Variants in BMPR1B observed in about 807,000 individuals in gnomAD.
The protein encoded by BMPR1B is bone morphogenetic protein receptor type-1B.
BMPR1B carries 12 observed loss-of-function variants against 59.1 expected under a neutral mutation model. The ratio of observed to expected loss-of-function variants is 0.20; its 90% CI spans 0.13 to 0.33. BMPR1B has a LOEUF of 0.33. Among genes scored for constraint, BMPR1B ranks in the 10% least tolerant of loss-of-function variants. The pLI, the probability that BMPR1B is intolerant of heterozygous loss-of-function variation, is 1.00. For missense variants in BMPR1B, 550 were observed against 610.9 expected, an observed-to-expected ratio of 0.90 and a Z score of 1.05; for synonymous variants, 237 against 207.3, an observed-to-expected ratio of 1.14 and a Z score of -1.23.
At chr4:95,075,372 T>C (rs374311472) in intron 3 of BMPR1B, among the ~76,000 whole-genome samples, 11 of 152,318 alleles carry the variant, frequency 7.2e-5, no homozygotes, top group African/African-American at 2.4e-4. Flanking sequence ...GTGAATCTAT[T>C]GTTGGTCTGT....
At chr4:94,945,276 T>C (rs1311473603) in intron 2 of BMPR1B, among the ~76,000 whole-genome samples, 2 of 152,170 alleles carry the variant, frequency 1.3e-5, no homozygotes, top group African/African-American at 4.8e-5. Context: ...CCCTTTACCA[T>C]CCTTAAAGTA....
At chr4:94,910,828 C>T (rs551616025) in intron 2 of BMPR1B, among the ~76,000 whole-genome samples, 162 of 152,160 alleles carry the variant, frequency 1.1e-3, no homozygotes, top group African/African-American at 3.5e-3. Context: ...AGGAGGATTG[C>T]TTGAGCCCAG....
At chr4:95,108,222 A>G (rs1731332995) in intron 4 of BMPR1B, among the ~76,000 whole-genome samples, 1 of 152,094 alleles carries the variant, frequency 6.6e-6, no homozygotes, top group South Asian at 2.1e-4. Flanking sequence ...CCCTTCCCAG[A>G]TCAGTAGCAA....
intron 3 of BMPR1B, among the ~76,000 whole-genome samples, chr4:95,057,658 C>T (rs16996453): frequency 0.016 from 2,494 of 152,130 alleles, 209 homozygotes; most frequent in Admixed American, 0.13. Context: ...CACCTGCTCA[C>T]AGTGTCTATT....
intron 5 of BMPR1B, among the ~76,000 whole-genome samples, chr4:95,115,160 A>G (rs2149278211): frequency 6.6e-6 from 1 of 152,276 alleles, no homozygotes; most frequent in South Asian, 2.1e-4. Context: ...TGTGTGTAGT[A>G]GGCTATACCA....
chr4:94,886,939 G>A (rs1350021140), intron 2 of BMPR1B, among the ~76,000 whole-genome samples: 1 of 152,150 alleles, frequency 6.6e-6, no homozygotes, highest in East Asian at 1.9e-4. Flanking sequence ...ATGGGATGAA[G>A]ATTGTGGGAA....
At chr4:94,901,262 G>A (rs1006880882) in intron 2 of BMPR1B, among the ~76,000 whole-genome samples, 9 of 151,938 alleles carry the variant, frequency 5.9e-5, no homozygotes, top group Non-Finnish European at 8.8e-5. Flanking sequence ...CAGTAAAATC[G>A]AAAATATCAG....
At chr4:94,957,788 C>T (rs544678165) in intron 2 of BMPR1B, among the ~76,000 whole-genome samples, 9 of 152,002 alleles carry the variant, frequency 5.9e-5, no homozygotes, top group Non-Finnish European at 1.3e-4. Flanking sequence ...TAAGATGTAT[C>T]TTTTTCAAAT....
chr4:95,056,902 A>G (rs371942113), intron 3 of BMPR1B, among the ~76,000 whole-genome samples: 4 of 152,366 alleles, frequency 2.6e-5, no homozygotes, highest in South Asian at 2.1e-4. Flanking sequence ...CTGTTTATCC[A>G]TGCATTTGCA....
chr4:95,071,650 GTGTATATATATATATATATA>G (rs1388861826), intron 3 of BMPR1B, among the ~76,000 whole-genome samples: 1 of 78,452 alleles, frequency 1.3e-5, no homozygotes, highest in Non-Finnish European at 2.8e-5. Context: ...GTGTGTGTGT[GTGTATATATATATATATATA>G]TATATATATA....
At chr4:94,995,341 C>A (rs1025550922) in intron 2 of BMPR1B, among the ~76,000 whole-genome samples, 1 of 151,800 alleles carries the variant, frequency 6.6e-6, no homozygotes, top group Admixed American at 6.6e-5. Context: ...TAATGTTATA[C>A]TTTCCTATAC....
Position 95,155,189 on chromosome 4 carries a change from A to C in BMPR1B, c.*516A>C, listed in dbSNP as rs1192305403. The C allele has an allele frequency of 6.2e-6, 1 of 160,256 alleles. No homozygotes were observed. The highest frequency in any genetic ancestry group is 2.4e-5 in the African/African-American group (1 of 41,462). The allele number at this position is 160,256 out of a possible 1,614,324, so 9.9% of individuals were successfully genotyped here. On this transcript the variant is annotated 3_prime_UTR_variant, in exon 13 of 13. Coordinates refer to ENST00000515059, the MANE Select transcript of BMPR1B (RefSeq NM_001203.3). The stretch of plus-strand genomic sequence containing the variant: ...ACATAGAACGGAACTCATCTTAAAC[A>C]TACTCCCCACCCCGTCTTGGCCTCC...
At chr4:94,758,536 G>C (rs1346558939) in intron 1 of BMPR1B, among the ~76,000 whole-genome samples, 1 of 152,042 alleles carries the variant, frequency 6.6e-6, no homozygotes, top group Non-Finnish European at 1.5e-5. Context: ...CGGGGCGGGG[G>C]CCCAGGGCCA....
intron 8 of BMPR1B, among the ~76,000 whole-genome samples, chr4:95,125,348 A>G (rs1732833032): frequency 6.6e-6 from 1 of 152,184 alleles, no homozygotes; most frequent in Non-Finnish European, 1.5e-5. Context: ...AGACCCTCAG[A>G]CATTCTGATG....
chr4:95,109,506 G>A (rs1731456605), intron 4 of BMPR1B, among the ~76,000 whole-genome samples: 1 of 151,994 alleles, frequency 6.6e-6, no homozygotes, highest in Non-Finnish European at 1.5e-5. Flanking sequence ...ATTTAAGCGT[G>A]CATTGTTCCA....
rs141252261 is a variant in BMPR1B, at chr4:94,842,393, A to G, written c.-182-33438A>G. 5.3e-3 allele frequency among the ~76,000 whole-genome samples: 805 copies of G among 152,324 alleles called. 12 individuals carry two copies. Among genetic ancestry groups the G allele is most frequent in the Non-Finnish European group, 4.3e-3 (291 of 68,024 alleles). ...AGTAGAACACTGAAAACTATTTGTT[A>G]AATACCACATCCTAGATAGATTTTC... On this transcript the variant is annotated intron_variant, in intron 1 of 12. Coordinates refer to ENST00000515059, the MANE Select transcript of BMPR1B (RefSeq NM_001203.3).
intron 3 of BMPR1B, among the ~76,000 whole-genome samples, chr4:95,078,099 A>G (rs1435891873): frequency 3.3e-5 from 5 of 152,208 alleles, no homozygotes; most frequent in African/African-American, 9.6e-5. Context: ...ACCAGCAGGA[A>G]CCATGACTAT....
At chr4:94,820,011 T>C (rs1465312221) in intron 1 of BMPR1B, among the ~76,000 whole-genome samples, 1 of 152,194 alleles carries the variant, frequency 6.6e-6, no homozygotes, top group African/African-American at 2.4e-5. Context: ...CCAGCTTGTG[T>C]CATAATTAGT....
chr4:94,779,581 AG>A (rs1722512909), intron 1 of BMPR1B, among the ~76,000 whole-genome samples: 3 of 152,220 alleles, frequency 2.0e-5, no homozygotes, highest in Admixed American at 1.3e-4. Flanking sequence ...CTGTAATCCC[AG>A]CACTTTGGGA....
Sources: allele counts gnomAD v4.1 joint callset (sites outside exome capture counted in the v4.1 genomes callset), GRCh38; gene constraint gnomAD v4.1.1; transcripts MANE v1.5; gene names NCBI Gene and HGNC (gene_info 2026-07-23, HGNC 2026-07-21).